Variants in PANX1 observed in about 807,000 individuals in gnomAD.
PANX1 encodes the protein pannexin-1.
PANX1 carries 30 observed loss-of-function variants against 38.7 expected under a neutral mutation model. That is an observed-to-expected ratio of 0.78 (90% CI 0.58 to 1.05). The LOEUF is 1.05. Ranked by LOEUF, PANX1 falls within the 50% of genes least tolerant of loss-of-function variation. The probability of loss-of-function intolerance (pLI) is 0.00; values close to 1 mark genes in which losing one functional copy is unlikely to be tolerated. For synonymous variants in PANX1, 230 were observed against 212.2 expected (o/e 1.08, Z -0.73); for missense variants, 551 against 517.2 (o/e 1.07, Z -0.63).
chr11:94,161,595 C>T (rs1947036547), intron 2 of PANX1, among the ~76,000 whole-genome samples: 1 of 152,130 alleles, frequency 6.6e-6, no homozygotes, highest in Non-Finnish European at 1.5e-5. Flanking sequence ...GACTTCTCTG[C>T]ATTGGTTATT....
intron 2 of PANX1, among the ~76,000 whole-genome samples, chr11:94,158,990 G>T (rs550275282): frequency 6.6e-6 from 1 of 152,188 alleles, no homozygotes; most frequent in Non-Finnish European, 1.5e-5. Context: ...GGCCTTTTCT[G>T]CATCTGTTGA....
intron 2 of PANX1, among the ~76,000 whole-genome samples, chr11:94,168,158 A>G (rs1162695042): frequency 6.6e-6 from 1 of 152,204 alleles, no homozygotes; most frequent in Admixed American, 6.5e-5. Flanking sequence ...AGAGAGAGGA[A>G]CAAGCTGGGT....
chr11:94,150,069 T>C (rs539554784), intron 1 of PANX1, among the ~76,000 whole-genome samples: 6 of 152,178 alleles, frequency 3.9e-5, no homozygotes, highest in African/African-American at 9.6e-5. Context: ...GAGGAAGCTT[T>C]GTGAAGAGGG....
intron 1 of PANX1, among the ~76,000 whole-genome samples, chr11:94,151,654 G>T (rs956427038): frequency 1.3e-5 from 2 of 152,214 alleles, no homozygotes; most frequent in Admixed American, 1.3e-4. Flanking sequence ...AACCGTGTGA[G>T]CTTAGTGCCA....
intron 2 of PANX1, among the ~76,000 whole-genome samples, chr11:94,164,638 A>G (rs560680621): frequency 2.5e-4 from 38 of 152,346 alleles, no homozygotes; most frequent in African/African-American, 8.9e-4. Context: ...CCATTTGCTA[A>G]AGAGCAGAAT....
At chr11:94,145,922 T>A (rs374018029) in intron 1 of PANX1, among the ~76,000 whole-genome samples, 174 of 152,310 alleles carry the variant, frequency 1.1e-3, no homozygotes, top group African/African-American at 3.8e-3. Context: ...CAGTTTACAA[T>A]TTTTTATAAA....
intron 1 of PANX1, among the ~76,000 whole-genome samples, chr11:94,130,211 G>A (rs2134468934): frequency 6.6e-6 from 1 of 152,264 alleles, no homozygotes; most frequent in South Asian, 2.1e-4. Context: ...GAGTGTTTAT[G>A]AACCAACAGG....
At chr11:94,138,095 A>G (rs1442133013) in intron 1 of PANX1, among the ~76,000 whole-genome samples, 1 of 152,050 alleles carries the variant, frequency 6.6e-6, no homozygotes, top group African/African-American at 2.4e-5. Flanking sequence ...TACAAGGTCA[A>G]AGTATACATA....
At chr11:94,150,107 G>A (rs964662190) in intron 1 of PANX1, among the ~76,000 whole-genome samples, 1 of 152,196 alleles carries the variant, frequency 6.6e-6, no homozygotes, top group African/African-American at 2.4e-5. Context: ...TTTGAAAGAT[G>A]AGCCATTGAG....
intron 1 of PANX1, among the ~76,000 whole-genome samples, chr11:94,149,805 C>A (rs1275852690): frequency 6.6e-6 from 1 of 152,062 alleles, no homozygotes; most frequent in East Asian, 1.9e-4. Flanking sequence ...ACAGTGATAT[C>A]TTTGGGGGAT....
chr11:94,179,999 T>G lies in PANX1; in HGVS notation c.943T>G (p.Phe315Val). Residue 315 changes from phenylalanine to valine, a missense_variant, in exon 4 of 5, where the codon TTT (phenylalanine) becomes GTT (valine). Phe to Val is a conservative substitution (Grantham distance 50, BLOSUM62 -1). Transcript: ENST00000227638. ...CAAAGTGTACGAAATCCTCCCCACT[T>G]TTGATGTTCTGCATTTCAAATCTGA... ...VLKVYEILPTFDVLHFKSEGY... is the reference protein window; with the variant it reads ...VLKVYEILPTVDVLHFKSEGY... 1.3e-6 allele frequency: 2 copies of G among 1,595,732 alleles called. No homozygotes were observed. The highest frequency in any genetic ancestry group is 1.7e-6 in the Non-Finnish European group (2 of 1,168,022).
chr11:94,141,248 A>C (rs72970719), intron 1 of PANX1, among the ~76,000 whole-genome samples: 2,323 of 152,240 alleles, frequency 0.015, 94 homozygotes, highest in East Asian at 0.14. Context: ...ACCAGTTTAC[A>C]CTCCCATCAC....
Position 94,179,611 on chromosome 11 carries a change from G to A in PANX1, c.555G>A (p.Glu185=). ...VTENLGQSLW[E]VSESHFKYPI... Reference sequence around the variant, plus strand: ...TTCCTTTATTTTTTAGTTTGTGGGAGGTATCTGAAAGCCACTTCAAGTACC... The same window carrying A: ...TTCCTTTATTTTTTAGTTTGTGGGAAGTATCTGAAAGCCACTTCAAGTACC... The change falls in exon 4 of 5, where the codon GAG becomes GAA. Residue 185 remains glutamate, a synonymous_variant. Transcript: ENST00000227638. 6.2e-7 allele frequency: 1 copy of A among 1,612,494 alleles called. No individual in the cohort carries two copies. The highest frequency in any genetic ancestry group is 1.3e-5 in the African/African-American group (1 of 74,954).
intron 2 of PANX1, among the ~76,000 whole-genome samples, chr11:94,177,999 G>A (rs540133708): frequency 1.1e-4 from 16 of 148,504 alleles, no homozygotes; most frequent in African/African-American, 3.9e-4. Flanking sequence ...AACCATAAAA[G>A]TTAACAAAAA....
intron 1 of PANX1, among the ~76,000 whole-genome samples, chr11:94,137,014 G>T (rs1008361476): frequency 2.0e-5 from 3 of 151,882 alleles, no homozygotes; most frequent in Admixed American, 2.0e-4. Flanking sequence ...AGAGAATGGG[G>T]GGAGGTGCTA....
chr11:94,152,882 C>T (rs1220178119), intron 1 of PANX1, among the ~76,000 whole-genome samples: 1 of 152,160 alleles, frequency 6.6e-6, no homozygotes, highest in Non-Finnish European at 1.5e-5. Flanking sequence ...CGCCCATCTG[C>T]TGTTGGGAGG....
At chr11:94,149,149 A>G (rs1174195843) in intron 1 of PANX1, among the ~76,000 whole-genome samples, 1 of 152,190 alleles carries the variant, frequency 6.6e-6, no homozygotes, top group African/African-American at 2.4e-5. Flanking sequence ...GAGAGGAACA[A>G]AAAAATGGGG....
chr11:94,130,382 G>A (rs947992154), intron 1 of PANX1, among the ~76,000 whole-genome samples: 2 of 152,194 alleles, frequency 1.3e-5, no homozygotes, highest in Non-Finnish European at 2.9e-5. Flanking sequence ...AATGTTATAT[G>A]TTCCTGGAAA....
At chr11:94,160,840 C>G (rs1256918743) in intron 2 of PANX1, among the ~76,000 whole-genome samples, 10 of 152,124 alleles carry the variant, frequency 6.6e-5, no homozygotes, top group Admixed American at 6.6e-4. Context: ...TAGAATTTGG[C>G]ATTTTTTTGC....
Sources: gnomAD v4.1 joint callset for allele counts (sites outside exome capture counted in the v4.1 genomes callset) on GRCh38, gnomAD v4.1.1 for gene constraint, MANE v1.5 for transcripts, NCBI Gene and HGNC (gene_info 2026-07-23, HGNC 2026-07-21) for gene names.